TEKT3: variants seen among roughly 807,000 people sequenced by gnomAD.
TEKT3 encodes tektin-3.
Under a neutral mutation model 49.8 loss-of-function variants are expected in TEKT3, and 49 were observed. The observed-to-expected ratio is 0.98, with a 90% CI of 0.78 to 1.25. The LOEUF (loss-of-function observed/expected upper bound fraction) is 1.25. Ranked by LOEUF, TEKT3 falls within the 50% of genes most tolerant of loss-of-function variation. TEKT3 has a pLI of 0.00. For synonymous variants in TEKT3, 225 were observed against 237.2 expected (o/e 0.95, Z 0.47); for missense variants, 595 against 629.5 (o/e 0.95, Z 0.59).
At chr17:15,342,660 A>G (rs751340033), upstream of TEKT3, among the ~76,000 whole-genome samples, 17 of 152,170 alleles carry the variant, frequency 1.1e-4, no homozygotes, top group Non-Finnish European at 2.4e-4. Flanking sequence ...ACTCATGGGA[A>G]CCTAATCTAG....
intron 7 of TEKT3, among the ~76,000 whole-genome samples, chr17:15,309,048 A>G (rs1301560636): frequency 1.3e-5 from 2 of 152,006 alleles, no homozygotes; most frequent in Non-Finnish European, 2.9e-5. Context: ...TCTCTCCCCA[A>G]CCCTAGGCTT....
At chr17:15,328,481 C>G (rs977380367) in intron 3 of TEKT3, among the ~76,000 whole-genome samples, 1 of 152,098 alleles carries the variant, frequency 6.6e-6, no homozygotes, top group African/African-American at 2.4e-5. Context: ...GAATGATTAT[C>G]TTTAAAAACA....
intron 3 of TEKT3, among the ~76,000 whole-genome samples, chr17:15,329,129 G>C (rs1402646784): frequency 6.6e-6 from 1 of 152,154 alleles, no homozygotes; most frequent in African/African-American, 2.4e-5. Flanking sequence ...TCTTACGCCA[G>C]CTCTAAATGT....
intron 5 of TEKT3, among the ~76,000 whole-genome samples, chr17:15,317,241 A>G (rs1234086600): frequency 6.6e-6 from 1 of 152,202 alleles, no homozygotes; most frequent in Non-Finnish European, 1.5e-5. Context: ...AAGGTCTGCA[A>G]TACAGCCAGT....
In TEKT3 at chr17:15,331,153, T is replaced by A; in HGVS notation, c.433A>T (p.Asn145Tyr). 2 of 1,614,178 alleles carry A rather than the reference T, an allele frequency of 1.2e-6. No individual in the cohort carries two copies. Among genetic ancestry groups the A allele is most frequent in the Non-Finnish European group, 8.5e-7 (1 of 1,180,022 alleles). ...TRKTQADTTQ[N>Y]LGERVNDIGF... ...ATGTCATTGACACGTTCTCCCAGAT[T>A]TTGGGTTGTGTCTGCCTGAGTTTTT... The change falls in exon 3 of 9, where the codon AAT becomes TAT. Residue 145 changes from asparagine to tyrosine, a missense_variant. Asn to Tyr is a moderately radical substitution (Grantham distance 143, BLOSUM62 -2). Transcript: ENST00000395930.
rs777578331 is a variant in TEKT3, at chr17:15,314,094, C to G, written c.871G>C (p.Asp291His). The G allele has an allele frequency of 6.2e-7, 1 of 1,614,194 alleles. No homozygotes were observed. Among genetic ancestry groups the G allele is most frequent in the South Asian group, 1.1e-5 (1 of 91,084 alleles). ...VGYFRGVERV[D>H]ATVSVPESWA... ...GGCGTGTGCCTGACTTACGTTGCATCGACCCTCTCCACTCCGCGGAAGTAG... is the reference window on the plus strand; with the variant it reads ...GGCGTGTGCCTGACTTACGTTGCATGGACCCTCTCCACTCCGCGGAAGTAG... The change falls in exon 6 of 9, where the codon GAT becomes CAT. Residue 291 changes from aspartate (D) to histidine (H), a missense_variant. By Grantham distance (81) the Asp-to-His change is moderately conservative. Transcript: ENST00000395930.
intron 7 of TEKT3, among the ~76,000 whole-genome samples, chr17:15,309,296 A>T (rs901602307): frequency 3.3e-5 from 5 of 152,088 alleles, no homozygotes; most frequent in Non-Finnish European, 7.4e-5. Context: ...CAACTTGAGC[A>T]TTGCTTTCCT....
chr17:15,309,910 C>T (rs189601708), intron 7 of TEKT3, among the ~76,000 whole-genome samples: 3 of 152,292 alleles, frequency 2.0e-5, no homozygotes, highest in Middle Eastern at 6.8e-3. Context: ...CCAACTACTC[C>T]TCATTCCCTT....
chr17:15,315,017 A>G (rs1207515959), intron 5 of TEKT3, among the ~76,000 whole-genome samples: 1 of 152,168 alleles, frequency 6.6e-6, no homozygotes, highest in Non-Finnish European at 1.5e-5. Context: ...CACATGGAAT[A>G]CTTCATTCGA....
chr17:15,328,108 A>G (rs1292776232), intron 3 of TEKT3, 33 bp from the exon 4 acceptor site: 1 of 1,574,974 alleles, frequency 6.3e-7, no homozygotes, highest in Admixed American at 1.7e-5. Context: ...AAGCACTAAT[A>G]AAAACTGACA....
chr17:15,338,184 T>C (rs926697425), intron 2 of TEKT3, among the ~76,000 whole-genome samples: 2 of 152,172 alleles, frequency 1.3e-5, no homozygotes, highest in African/African-American at 4.8e-5. Flanking sequence ...TAATACAATA[T>C]TTAGCAATAT....
Position 15,331,067 on chromosome 17 carries a change from T to TG in TEKT3, c.518dup (p.Leu174ThrfsTer3). ...CCAGTCTTTTCTTCACATCAGTAAG[T>TG]GCATTTGTCTCTCCAATCATTTCAT... On this transcript the variant is annotated frameshift_variant, in exon 3 of 9. Coordinates refer to ENST00000395930, the MANE Select transcript of TEKT3 (RefSeq NM_031898.3). LOFTEE classifies it high-confidence loss of function. 1.2e-6 allele frequency: 2 copies of TG among 1,614,218 alleles called. No homozygotes were observed. The highest frequency in any genetic ancestry group is 1.7e-6 in the Non-Finnish European group (2 of 1,180,032).
chr17:15,310,144 A>G (rs1291922980), intron 7 of TEKT3, among the ~76,000 whole-genome samples: 1 of 152,216 alleles, frequency 6.6e-6, no homozygotes, highest in African/African-American at 2.4e-5. Flanking sequence ...TCTCTTGCCA[A>G]TGGAAACAAC....
intron 5 of TEKT3, 87 bp downstream of exon 5, chr17:15,318,990 T>C (rs1212955517): frequency 2.7e-6 from 3 of 1,114,572 alleles, no homozygotes; most frequent in Non-Finnish European, 3.9e-6. Flanking sequence ...TGTGTCCTTA[T>C]AAGAAATTAA....
At chr17:15,318,435 C>G (rs930431023) in intron 5 of TEKT3, among the ~76,000 whole-genome samples, 1 of 152,168 alleles carries the variant, frequency 6.6e-6, no homozygotes, top group African/African-American at 2.4e-5. Context: ...TAAAAGAAAT[C>G]TTAGTTACAC....
intron 4 of TEKT3, among the ~76,000 whole-genome samples, chr17:15,321,138 T>C (rs1000654359): frequency 9.2e-5 from 14 of 151,632 alleles, no homozygotes; most frequent in Admixed American, 2.6e-4. Context: ...GCTTCCTGAG[T>C]AGCTGGGACT....
rs368006111 is a variant in TEKT3 at position 15,317,621 on chromosome 17, AACAC to A, written c.734+1452_734+1455del. ...AAATGAGCAGCATGGACGCTTTTAT[AACAC>A]ACATAATCACCTCTCTTATTGGGTG... is the stretch of plus-strand genomic sequence containing the variant. On this transcript the variant is annotated intron_variant, in intron 5 of 8. Coordinates refer to ENST00000395930, the MANE Select transcript of TEKT3 (RefSeq NM_031898.3). Among the ~76,000 whole-genome samples, 62 of 152,284 alleles carry A rather than the reference AACAC, an allele frequency of 4.1e-4. 2 individuals are homozygous for A. In the East Asian group the frequency reaches 9.3e-3, roughly 23 times the overall value.
chr17:15,328,929 C>T (rs1240948903), intron 3 of TEKT3, among the ~76,000 whole-genome samples: 1 of 151,946 alleles, frequency 6.6e-6, no homozygotes, highest in Non-Finnish European at 1.5e-5. Context: ...TACTATAATC[C>T]AGATATACTA....
chr17:15,327,851 C>G lies in TEKT3; in HGVS notation c.663+141G>C, dbSNP rs1367525696. On this transcript the variant is annotated intron_variant, in intron 4 of 8. Transcript: ENST00000395930. Reference sequence around the variant, plus strand: ...TATGTTATAACCAAGAAAAACATGTCTTTGCTAAATGCTATCAGCATCTGA... The same window carrying G: ...TATGTTATAACCAAGAAAAACATGTGTTTGCTAAATGCTATCAGCATCTGA... The G allele has an allele frequency of 9.6e-6, 6 of 623,950 alleles. No homozygotes were observed. In the Admixed American group the frequency reaches 1.1e-4, roughly 11 times the overall value. The allele number at this position is 623,950 out of a possible 1,614,324, so 38.7% of individuals were successfully genotyped here.
Sources: allele counts gnomAD v4.1 joint callset (sites outside exome capture counted in the v4.1 genomes callset), GRCh38; gene constraint gnomAD v4.1.1; transcripts MANE v1.5; gene names NCBI Gene and HGNC (gene_info 2026-07-23, HGNC 2026-07-21).